Variants in CCDC34 observed in about 807,000 individuals in gnomAD.
CCDC34 encodes coiled-coil domain-containing protein 34.
Under a neutral mutation model 44.1 loss-of-function variants are expected in CCDC34, and 40 were observed. That is an observed-to-expected ratio of 0.91 (90% CI 0.70 to 1.18). CCDC34 has a LOEUF of 1.18. Ranked by LOEUF, CCDC34 falls within the 50% of genes most tolerant of loss-of-function variation. CCDC34 has a pLI of 0.00. For missense variants in CCDC34, 466 were observed against 452.3 expected, an observed-to-expected ratio of 1.03 and a Z score of -0.28; for synonymous variants, 159 against 158.2, an observed-to-expected ratio of 1.01 and a Z score of -0.04.
In CCDC34 at chr11:27,338,985, G is replaced by A. The variant is rs765929792; in HGVS notation, c.958C>T (p.Pro320Ser). The change falls in exon 6 of 6, where the codon CCG becomes TCG. Residue 320 changes from proline to serine, a missense_variant. Pro to Ser is a moderately conservative substitution (Grantham distance 74). Transcript: ENST00000328697. ...GGTGGCATATGAATTGGTTTCCACG[G>A]AATTGGATTATAAAAGGCTGGTTCT... ...YPEPAFYNPI[P>S]WKPIHMPPPK... 6.2e-7 allele frequency: 1 copy of A among 1,613,482 alleles called. No individual in the cohort carries two copies. Among genetic ancestry groups the A allele is most frequent in the African/African-American group, 1.3e-5 (1 of 74,974 alleles).
At chr11:27,349,486 T>C (rs1209784658) in intron 3 of CCDC34, 3 of 878,664 alleles carry the variant, frequency 3.4e-6, no homozygotes, top group South Asian at 5.3e-5. Flanking sequence ...ACAATAAAGA[T>C]AAAAAGTTAG....
In CCDC34 at chr11:27,341,429, T is replaced by C. The variant is rs746548730; in HGVS notation, c.728A>G (p.Lys243Arg). ...KEKYQEWLKK[K>R]NAEECERKKK... ...CTTCCTCTCACATTCTTCAGCATTT[T>C]TTTTCTTTAACCATTCTTGATATTT... is the stretch of plus-strand genomic sequence containing the variant. The change falls in exon 4 of 6, where the codon AAA becomes AGA. Residue 243 changes from lysine (K) to arginine (R), a missense_variant. Lys to Arg is a conservative substitution (Grantham distance 26). Coordinates refer to ENST00000328697, the MANE Select transcript of CCDC34 (RefSeq NM_030771.2). 6.8e-7 allele frequency: 1 copy of C among 1,466,162 alleles called. No individual in the cohort carries two copies. Among genetic ancestry groups the C allele is most frequent in the East Asian group, 2.4e-5 (1 of 42,040 alleles). 90.8% of individuals were successfully genotyped at this position (1,466,162 alleles called of 1,614,324 possible). A position where few individuals can be genotyped will look rare whatever the true frequency, so the allele number is the denominator to read the frequency against.
At position 27,340,729 on chromosome 11, in the gene CCDC34, T is replaced by C. The variant is rs1371862157; in HGVS notation, c.874A>G (p.Lys292Glu). The change falls in exon 5 of 6, where the codon AAG becomes GAG. Residue 292 changes from lysine to glutamate, a missense_variant. By Grantham distance (56) the Lys-to-Glu change is moderately conservative. Coordinates refer to ENST00000328697, the MANE Select transcript of CCDC34 (RefSeq NM_030771.2). ...NAKHKPRPAAKSYGYANGKLT... is the reference protein window; with the variant it reads ...NAKHKPRPAAESYGYANGKLT... ...TTTCCATTGGCATAACCATAGCTCT[T>C]TGCAGCTGGACGAGGTTTATGTTTC... 1.2e-6 allele frequency: 2 copies of C among 1,613,560 alleles called. No individual in the cohort carries two copies. Among genetic ancestry groups the C allele is most frequent in the Non-Finnish European group, 1.7e-6 (2 of 1,179,726 alleles).
intron 1 of CCDC34, among the ~76,000 whole-genome samples, chr11:27,359,392 C>A (rs888948632): frequency 6.6e-6 from 1 of 152,166 alleles, no homozygotes; most frequent in Non-Finnish European, 1.5e-5. Context: ...TTTCTTCCAC[C>A]TCCGCATAAA....
intron 2 of CCDC34, among the ~76,000 whole-genome samples, chr11:27,352,441 G>GA (rs1243595308): frequency 6.6e-6 from 1 of 151,264 alleles, no homozygotes; most frequent in Non-Finnish European, 1.5e-5. Context: ...ACAAAAGGGG[G>GA]AAAAATTATA....
In CCDC34 at chr11:27,338,584, TA is replaced by T. The variant is rs1320667392; in HGVS notation, c.*236del. 1.1e-5 allele frequency: 5 copies of T among 462,612 alleles called. No individual in the cohort carries two copies. Among genetic ancestry groups the T allele is most frequent in the Admixed American group, 8.3e-5 (2 of 24,072 alleles). The allele number at this position is 462,612 out of a possible 1,614,324, so 28.7% of individuals were successfully genotyped here. ...ACAAGCTAAATACAAACACAATTCT[TA>T]CATATTCAGCCACTTATTCTGCAAA... On this transcript the variant is annotated 3_prime_UTR_variant, in exon 6 of 6. Transcript: ENST00000328697.
chr11:27,351,023 G>A (rs1012462631), intron 2 of CCDC34, among the ~76,000 whole-genome samples: 8 of 147,636 alleles, frequency 5.4e-5, no homozygotes, highest in Admixed American at 4.0e-4. Flanking sequence ...GCTGTCACTC[G>A]AATCTACACG....
intron 1 of CCDC34, among the ~76,000 whole-genome samples, chr11:27,361,262 T>A (rs1862659643): frequency 6.6e-6 from 1 of 152,210 alleles, no homozygotes; most frequent in Non-Finnish European, 1.5e-5. Flanking sequence ...CGTACATACG[T>A]TCACCTCCTC....
intron 2 of CCDC34, among the ~76,000 whole-genome samples, chr11:27,351,308 G>A (rs1478282877): frequency 6.6e-6 from 1 of 152,142 alleles, no homozygotes; most frequent in Non-Finnish European, 1.5e-5. Context: ...TTGGGCATGG[G>A]TGGTAGTGGG....
At chr11:27,346,933 C>A (rs993081066) in intron 3 of CCDC34, among the ~76,000 whole-genome samples, 1 of 152,108 alleles carries the variant, frequency 6.6e-6, no homozygotes, top group African/African-American at 2.4e-5. Flanking sequence ...CCTGTGGGGA[C>A]ATAAAAAGAC....
At chr11:27,359,612 C>T (rs1218342870) in intron 1 of CCDC34, among the ~76,000 whole-genome samples, 1 of 152,032 alleles carries the variant, frequency 6.6e-6, no homozygotes, top group Non-Finnish European at 1.5e-5. Flanking sequence ...CCTCAGCCTC[C>T]CGAGTAGCTG....
At chr11:27,339,062 A>C (rs776383883) in intron 5 of CCDC34, 27 bp from the exon 6 acceptor site, 1 of 1,534,256 alleles carries the variant, frequency 6.5e-7, no homozygotes, top group East Asian at 2.3e-5. Context: ...ATCAGATCAA[A>C]ACAAGGAAAA....
chr11:27,350,617 G>A (rs1185152670), intron 2 of CCDC34, among the ~76,000 whole-genome samples, 178 bp from the exon 3 acceptor site: 1 of 152,146 alleles, frequency 6.6e-6, no homozygotes, highest in Non-Finnish European at 1.5e-5. Context: ...AAAAGCATTG[G>A]TAAAAGTATA....
intron 3 of CCDC34, chr11:27,349,093 T>C (rs1459422521): frequency 1.0e-6 from 1 of 985,148 alleles, no homozygotes; most frequent in Non-Finnish European, 1.2e-6. Flanking sequence ...TAGGTTTGAT[T>C]GGCATGGTAA....
At chr11:27,357,308 T>A (rs1862592340) in intron 2 of CCDC34, 95 bp downstream of exon 2, 1 of 1,239,278 alleles carries the variant, frequency 8.1e-7, no homozygotes, top group Non-Finnish European at 1.1e-6. Context: ...AAAGACTTTG[T>A]TTTCAGGAAT....
chr11:27,357,659 T>C (rs996995384), intron 1 of CCDC34, 118 bp from the exon 2 acceptor site: 2 of 790,106 alleles, frequency 2.5e-6, no homozygotes, highest in African/African-American at 3.5e-5. Context: ...ATTGTGATTT[T>C]TACAAATATA....
rs763146006 is a variant in CCDC34 at position 27,363,119 on chromosome 11, A to G, written c.76T>C (p.Ser26Pro). Residue 26 changes from serine to proline, a missense_variant, in exon 1 of 6, where the codon TCT (serine) becomes CCT (proline). Physicochemically the swap from Ser to Pro is moderately conservative, Grantham distance 74. Transcript: ENST00000328697. ...AGFSADCRPRSRPSSDSCSVP... is the reference protein window; with the variant it reads ...AGFSADCRPRPRPSSDSCSVP... ...GAGCAGGAGTCCGAGGAGGGCCGAG[A>G]CCTGGGTCTGCAGTCAGCAGAGAAA... 6.3e-7 allele frequency: 1 copy of G among 1,580,508 alleles called. No individual in the cohort carries two copies. Among genetic ancestry groups the G allele is most frequent in the Admixed American group, 1.8e-5 (1 of 56,588 alleles).
At position 27,349,207 on chromosome 11, in the gene CCDC34, A is replaced by G. The variant is rs1251320459; in HGVS notation, c.606+1125T>C. ...TGTTTTATAGTTACAAATTTCAAAA[A>G]GATATTACCCAAAGTTTTATAACAG... On this transcript the variant is annotated intron_variant, in intron 3 of 5. Coordinates refer to ENST00000328697, the MANE Select transcript of CCDC34 (RefSeq NM_030771.2). 4.2e-6 allele frequency: 4 copies of G among 959,432 alleles called. No homozygotes were observed. In the African/African-American group the frequency reaches 7.1e-5, roughly 17 times the overall value. 59.4% of individuals were successfully genotyped at this position (959,432 alleles called of 1,614,324 possible). A position where few individuals can be genotyped will look rare whatever the true frequency, so the allele number is the denominator to read the frequency against.
chr11:27,359,021 C>T (rs1378661466), intron 1 of CCDC34, among the ~76,000 whole-genome samples: 1 of 135,528 alleles, frequency 7.4e-6, no homozygotes, highest in African/African-American at 2.6e-5. Flanking sequence ...GTTAATTCCT[C>T]TTTCCATTTT....
Sources: gnomAD v4.1 joint callset for allele counts (sites outside exome capture counted in the v4.1 genomes callset) on GRCh38, gnomAD v4.1.1 for gene constraint, MANE v1.5 for transcripts, NCBI Gene and HGNC (gene_info 2026-07-23, HGNC 2026-07-21) for gene names.